Variants in DNAJC9 observed in about 807,000 individuals in gnomAD.
DNAJC9 encodes dnaJ homolog subfamily C member 9.
A neutral mutation model predicts 32.4 loss-of-function variants in DNAJC9; 18 were observed. The ratio of observed to expected loss-of-function variants is 0.56; its 90% CI spans 0.38 to 0.82. DNAJC9 has a LOEUF of 0.82. DNAJC9 is among the 40% of genes least tolerant of loss of function. DNAJC9 has a pLI of 0.00. For missense variants in DNAJC9, 310 were observed against 321.8 expected (o/e 0.96, Z 0.28); for synonymous variants, 113 against 122.1 (o/e 0.93, Z 0.49).
downstream of DNAJC9, chr10:73,235,241 C>CCTAA: frequency 6.4e-7 from 1 of 1,551,750 alleles, no homozygotes; most frequent in East Asian, 2.4e-5. Context: ...GGTGGATGAA[C>CCTAA]CTAACTATCA....
In DNAJC9 at chr10:73,246,056, CAG is replaced by C; in HGVS notation, c.440_441del (p.Ser147CysfsTer21). The stretch of plus-strand genomic sequence containing the variant: ...TCCTCTGTGTACTGCACGCAAAGCA[CAG>C]ACTCCATGATCTGATCCATGTCACC... ...FKGDMDQIMESVLCVQYTEEP... is the reference protein window; with the variant it reads ...FKGDMDQIMEXVLCVQYTEEP... On this transcript the variant is annotated frameshift_variant, in exon 3 of 5. Coordinates refer to ENST00000372950, the MANE Select transcript of DNAJC9 (RefSeq NM_015190.5). LOFTEE classifies it high-confidence loss of function. The C allele has an allele frequency of 6.2e-7, 1 of 1,613,860 alleles. No individual in the cohort carries two copies. Among genetic ancestry groups the C allele is most frequent in the South Asian group, 1.1e-5 (1 of 91,038 alleles).
intron 4 of DNAJC9, 124 bp downstream of exon 4, chr10:73,243,710 TACACTTTAA>T: frequency 9.1e-6 from 10 of 1,098,818 alleles, no homozygotes; most frequent in Non-Finnish European, 1.3e-5. Flanking sequence ...CACCAAATTG[TACACTTTAA>T]AAGGACAAAT....
At chr10:73,237,440 G>A (rs1377357812), downstream of DNAJC9, among the ~76,000 whole-genome samples, 3 of 150,390 alleles carry the variant, frequency 2.0e-5, no homozygotes, top group South Asian at 4.2e-4. Flanking sequence ...TTTTTGAGAC[G>A]GAGTCTTACT....
chr10:73,246,660 T>G, intron 2 of DNAJC9, 28 bp downstream of exon 2: 2 of 1,613,002 alleles, frequency 1.2e-6, no homozygotes, highest in Non-Finnish European at 1.7e-6. Flanking sequence ...ATGGTAACAG[T>G]CACAAAGAAA....
chr10:73,238,751 C>G (rs2043879809), downstream of DNAJC9: 2 of 152,186 alleles, frequency 1.3e-5, no homozygotes, highest in Admixed American at 6.5e-5. Flanking sequence ...TGTTTTTATT[C>G]CAGAAGCCCC....
At position 73,246,812 on chromosome 10, in the gene DNAJC9, T is replaced by G. The variant is rs1315807739; in HGVS notation, c.197A>C (p.Tyr66Ser). The change falls in exon 2 of 5, where the codon TAT becomes TCT. Residue 66 changes from tyrosine to serine, a missense_variant. Tyr to Ser is a moderately radical substitution (Grantham distance 144). Transcript: ENST00000372950. ...TRRFQILGKVYSVLSDREQRA... is the reference protein window; with the variant it reads ...TRRFQILGKVSSVLSDREQRA... ...CTGTTCTCTGTCACTGAGAACGGAA[T>G]AGACTTTTCCCAGGATCTGAGGGCA... The G allele has an allele frequency of 6.2e-7, 1 of 1,614,164 alleles. No homozygotes were observed. Among genetic ancestry groups the G allele is most frequent in the South Asian group, 1.1e-5 (1 of 91,080 alleles).
chr10:73,240,517 C>A (rs958764501), downstream of DNAJC9, among the ~76,000 whole-genome samples: 1 of 152,090 alleles, frequency 6.6e-6, no homozygotes, highest in Non-Finnish European at 1.5e-5. Context: ...TTGAGACCAT[C>A]CTGGCTAACA....
downstream of DNAJC9, chr10:73,234,923 G>T: frequency 6.4e-7 from 1 of 1,551,964 alleles, no homozygotes. Flanking sequence ...GAGCACTGTG[G>T]GGCCACAAAG....
downstream of DNAJC9, among the ~76,000 whole-genome samples, chr10:73,237,306 G>A (rs1487108904): frequency 6.6e-6 from 1 of 152,198 alleles, no homozygotes; most frequent in Non-Finnish European, 1.5e-5. Flanking sequence ...TTGGGGTTCA[G>A]TGTGAACCCC....
Position 73,247,142 on chromosome 10 carries a change from A to C in DNAJC9, c.48T>G (p.Leu16=), listed in dbSNP as rs2044024471. 3 of 1,596,548 alleles carry C rather than the reference A, an allele frequency of 1.9e-6. No individual in the cohort carries two copies. The Admixed American group carries it at 5.2e-5, about 27-fold the overall frequency. The change falls in exon 1 of 5, where the codon CTT becomes CTG. Residue 16 remains leucine (L), a synonymous_variant. Coordinates refer to ENST00000372950, the MANE Select transcript of DNAJC9 (RefSeq NM_015190.5). ...CGCGTCGCACGCCCAGCACCCGGTA[A>C]AGGTCGGCGGTGCCGAACACTTCCT... ...LCEEVFGTAD[L]YRVLGVRREA...
downstream of DNAJC9, chr10:73,238,982 T>G (rs901279161): frequency 1.1e-5 from 2 of 188,728 alleles, no homozygotes; most frequent in African/African-American, 4.6e-5. Context: ...TTAAAATATA[T>G]GCAGCAGCCA....
chr10:73,237,898 TA>T (rs2043858128), downstream of DNAJC9, among the ~76,000 whole-genome samples: 1 of 152,194 alleles, frequency 6.6e-6, no homozygotes, highest in Admixed American at 6.5e-5. Context: ...TAAAAACATT[TA>T]ATTTTTGATT....
In DNAJC9 at chr10:73,245,926, CTT is replaced by C; in HGVS notation, c.570_571del (p.Arg191GlufsTer19). ...CCACAGTATTCAAAATCTTACCCTC[CTT>C]TTCCTTGCATTCATCTTTTGTTTCG... On this transcript the variant is annotated frameshift_variant, in exon 3 of 5. Coordinates refer to ENST00000372950, the MANE Select transcript of DNAJC9 (RefSeq NM_015190.5). LOFTEE classifies it high-confidence loss of function. 2 of 1,611,218 alleles carry C rather than the reference CTT, an allele frequency of 1.2e-6. No individual in the cohort carries two copies. Among genetic ancestry groups the C allele is most frequent in the Non-Finnish European group, 1.7e-6 (2 of 1,179,222 alleles).
intron 2 of DNAJC9, 76 bp from the exon 3 acceptor site, chr10:73,246,252 G>T: frequency 6.7e-7 from 1 of 1,502,996 alleles, no homozygotes; most frequent in South Asian, 1.2e-5. Context: ...AACTAGAGTT[G>T]GGTGTTGAAT....
At chr10:73,240,093 T>A (rs555451676), downstream of DNAJC9, among the ~76,000 whole-genome samples, 8 of 152,318 alleles carry the variant, frequency 5.3e-5, no homozygotes, top group African/African-American at 1.9e-4. Context: ...CCAGGTAATT[T>A]ATTTTTTGTA....
downstream of DNAJC9, among the ~76,000 whole-genome samples, chr10:73,236,021 T>C (rs2043812549): frequency 6.6e-6 from 1 of 152,154 alleles, no homozygotes; most frequent in Non-Finnish European, 1.5e-5. Context: ...TTGGAGAGCC[T>C]GGGGAAGTAA....
At chr10:73,235,787 C>T (rs1308762829), downstream of DNAJC9, among the ~76,000 whole-genome samples, 1 of 152,168 alleles carries the variant, frequency 6.6e-6, no homozygotes, top group African/African-American at 2.4e-5. Flanking sequence ...CCTGCCTTAG[C>T]CTCCCGAGTA....
chr10:73,245,515 C>T (rs185432421), intron 3 of DNAJC9, among the ~76,000 whole-genome samples: 83 of 152,118 alleles, frequency 5.5e-4, no homozygotes, highest in African/African-American at 1.9e-3. Context: ...GGGCAAAGGC[C>T]CAAACATCTG....
chr10:73,240,435 G>A (rs909757287), downstream of DNAJC9, among the ~76,000 whole-genome samples: 2 of 152,164 alleles, frequency 1.3e-5, no homozygotes, highest in Non-Finnish European at 2.9e-5. Flanking sequence ...ATAACTGGCT[G>A]GGCGTGGTGG....
Sources: allele counts gnomAD v4.1 joint callset (sites outside exome capture counted in the v4.1 genomes callset), GRCh38; gene constraint gnomAD v4.1.1; transcripts MANE v1.5; gene names NCBI Gene and HGNC (gene_info 2026-07-23, HGNC 2026-07-21).